KATNAL1: variants seen among roughly 807,000 people sequenced by gnomAD.
The protein encoded by KATNAL1 is katanin catalytic subunit A1 like 1.
KATNAL1 carries 32 observed loss-of-function variants against 55.2 expected under a neutral mutation model. The observed-to-expected ratio is 0.58, with a 90% CI of 0.44 to 0.78. The LOEUF (loss-of-function observed/expected upper bound fraction) is 0.78, where lower values mean the gene tolerates loss of function less well. Ranked by LOEUF, KATNAL1 falls within the 30% of genes least tolerant of loss-of-function variation. The probability of loss-of-function intolerance (pLI) is 0.00; values close to 1 mark genes in which losing one functional copy is unlikely to be tolerated. For synonymous variants in KATNAL1, 193 were observed against 193.6 expected, an observed-to-expected ratio of 1.00 and a Z score of 0.02; for missense variants, 466 against 600.9, an observed-to-expected ratio of 0.78 and a Z score of 2.35.
intron 1 of KATNAL1, among the ~76,000 whole-genome samples, chr13:30,305,113 G>C (rs1566140488): frequency 6.6e-6 from 1 of 152,056 alleles, no homozygotes; most frequent in Non-Finnish European, 1.5e-5. Context: ...ACTGGGGCTG[G>C]AGTTATCTTT....
chr13:30,259,211 G>C (rs1001611885), intron 3 of KATNAL1, among the ~76,000 whole-genome samples: 5 of 152,072 alleles, frequency 3.3e-5, no homozygotes, highest in African/African-American at 1.2e-4. Context: ...ATGGCGGTGG[G>C]CACCTGTAAT....
intron 9 of KATNAL1, among the ~76,000 whole-genome samples, chr13:30,217,468 T>C (rs936895582): frequency 5.3e-5 from 8 of 152,108 alleles, no homozygotes; most frequent in Non-Finnish European, 7.4e-5. Context: ...AAAAACTGAA[T>C]TGATATTCAA....
At chr13:30,240,692 T>A (rs1877180263) in intron 5 of KATNAL1, 127 bp from the exon 6 acceptor site, 8 of 711,182 alleles carry the variant, frequency 1.1e-5, no homozygotes, top group Admixed American at 5.8e-5. Context: ...TTCTAATTCT[T>A]ACTGCATAAA....
chr13:30,301,697 C>G (rs146897981), intron 1 of KATNAL1, among the ~76,000 whole-genome samples: 89 of 152,152 alleles, frequency 5.8e-4, no homozygotes, highest in African/African-American at 2.0e-3. Flanking sequence ...TTTAAAGTTA[C>G]GCAGCTAATC....
At chr13:30,238,481 C>CA (rs1876915412) in intron 6 of KATNAL1, among the ~76,000 whole-genome samples, 1 of 152,100 alleles carries the variant, frequency 6.6e-6, no homozygotes, top group African/African-American at 2.4e-5. Flanking sequence ...ATCTATTTCC[C>CA]AAAAACACTT....
At chr13:30,289,796 C>T (rs527832528) in intron 1 of KATNAL1, among the ~76,000 whole-genome samples, 67 of 152,228 alleles carry the variant, frequency 4.4e-4, no homozygotes, top group African/African-American at 1.6e-3. Context: ...GCACTTAAAA[C>T]AGTGATTACA....
chr13:30,285,897 T>C (rs1056687268), intron 1 of KATNAL1, among the ~76,000 whole-genome samples: 7 of 152,196 alleles, frequency 4.6e-5, no homozygotes, highest in Non-Finnish European at 1.0e-4. Flanking sequence ...CTGGCAGCAT[T>C]TTGTCCCTGC....
intron 3 of KATNAL1, among the ~76,000 whole-genome samples, chr13:30,273,270 T>G (rs1017244981): frequency 6.6e-6 from 1 of 152,216 alleles, no homozygotes; most frequent in Non-Finnish European, 1.5e-5. Context: ...TGCATACTTA[T>G]CATCTTCTGC....
chr13:30,296,476 AG>A, intron 1 of KATNAL1: 4 of 642,536 alleles, frequency 6.2e-6, no homozygotes, highest in Non-Finnish European at 1.2e-5. Context: ...TGGCAATCTG[AG>A]GATTACGGTG....
chr13:30,228,953 A>G (rs1875797849), intron 8 of KATNAL1, among the ~76,000 whole-genome samples: 1 of 152,092 alleles, frequency 6.6e-6, no homozygotes, highest in Admixed American at 6.5e-5. Flanking sequence ...AAGTCTTGCT[A>G]TGTTAACCAG....
chr13:30,229,612 G>A (rs1421368617), intron 8 of KATNAL1, among the ~76,000 whole-genome samples: 2 of 152,252 alleles, frequency 1.3e-5, no homozygotes, highest in East Asian at 1.9e-4. Context: ...CAGCTACTTA[G>A]GAGGCTGAGG....
chr13:30,218,790 G>C (rs1874564633), intron 9 of KATNAL1, among the ~76,000 whole-genome samples: 1 of 152,098 alleles, frequency 6.6e-6, no homozygotes, highest in South Asian at 2.1e-4. Flanking sequence ...TGTGAATGAA[G>C]ACATTCCACA....
In KATNAL1 at chr13:30,255,613, G is replaced by T; in HGVS notation, c.326C>A (p.Ala109Asp). ...WPPPVPAEHR[A>D]PPQIRRPNRE... ...ATTGGGACGCCTGATCTGAGGTGGA[G>T]CTCTGACAAAAAAAAAAAAAAAAAA... The change falls in exon 4 of 11, where the codon GCT (alanine) becomes GAT (aspartate). Residue 109 changes from alanine (A) to aspartate (D), a missense_variant and splice_region_variant. This residue lies in a region of KATNAL1 where 248 missense variants were observed against 275.5 expected (regional missense o/e 0.90). Coordinates refer to ENST00000380615, the MANE Select transcript of KATNAL1 (RefSeq NM_032116.5). 7.4e-7 allele frequency: 1 copy of T among 1,347,844 alleles called. No individual in the cohort carries two copies. The highest frequency in any genetic ancestry group is 9.5e-7 in the Non-Finnish European group (1 of 1,056,422). The allele number at this position is 1,347,844 out of a possible 1,614,324, so 83.5% of individuals were successfully genotyped here. A position where few individuals can be genotyped will look rare whatever the true frequency, so the allele number is the denominator to read the frequency against.
At chr13:30,230,901 C>A (rs1876034257) in intron 7 of KATNAL1, among the ~76,000 whole-genome samples, 1 of 152,156 alleles carries the variant, frequency 6.6e-6, no homozygotes, top group Non-Finnish European at 1.5e-5. Context: ...CAACCTCAAT[C>A]CTCAAATATA....
chr13:30,243,067 A>G (rs1877432860), intron 4 of KATNAL1, among the ~76,000 whole-genome samples: 1 of 152,232 alleles, frequency 6.6e-6, no homozygotes, highest in African/African-American at 2.4e-5. Context: ...TACTAACTGC[A>G]ATGTCACTGA....
intron 9 of KATNAL1, 139 bp downstream of exon 9, chr13:30,227,273 C>A (rs1327620173): frequency 2.0e-5 from 13 of 660,548 alleles, no homozygotes; most frequent in Non-Finnish European, 3.2e-5. Flanking sequence ...AGTACTGTGG[C>A]CTGTGTTCAC....
intron 9 of KATNAL1, among the ~76,000 whole-genome samples, chr13:30,214,622 ATC>A (rs1208126788): frequency 3.3e-5 from 5 of 152,210 alleles, no homozygotes; most frequent in Non-Finnish European, 7.3e-5. Context: ...AATGCCGCAT[ATC>A]TACAACTATC....
rs191377082 is a variant in KATNAL1 at position 30,207,911 on chromosome 13, T to G, written c.*629A>C. On this transcript the variant is annotated 3_prime_UTR_variant, in exon 11 of 11. Coordinates refer to ENST00000380615, the MANE Select transcript of KATNAL1 (RefSeq NM_032116.5). ...CAGAGAAATGACCTGGCAAAATGAT[T>G]CAAATACCACAGAGCGTGAGAATAT... 59 of 152,312 alleles carry G rather than the reference T, an allele frequency of 3.9e-4. No individual in the cohort carries two copies. Among genetic ancestry groups the G allele is most frequent in the African/African-American group, 1.3e-3 (54 of 41,566 alleles). 9.4% of individuals were successfully genotyped at this position (152,312 alleles called of 1,614,324 possible). A position where few individuals can be genotyped will look rare whatever the true frequency, so the allele number is the denominator to read the frequency against.
At chr13:30,252,143 T>C (rs1028220055) in intron 4 of KATNAL1, among the ~76,000 whole-genome samples, 1 of 152,216 alleles carries the variant, frequency 6.6e-6, no homozygotes, top group African/African-American at 2.4e-5. Context: ...CACCATCTAT[T>C]TGCAGTTAAG....
Sources: gnomAD v4.1 joint callset for allele counts (sites outside exome capture counted in the v4.1 genomes callset) on GRCh38, gnomAD v4.1.1 for gene constraint, gnomAD v4.1.1 regional missense constraint, MANE v1.5 for transcripts, NCBI Gene and HGNC (gene_info 2026-07-23, HGNC 2026-07-21) for gene names.